The following TEX11 variants were observed in gnomAD, a reference collection of about 807,000 sequenced individuals.
TEX11 encodes the protein testis expressed 11.
A neutral mutation model predicts 84.4 loss-of-function variants in TEX11; 7 were observed. The ratio of observed to expected loss-of-function variants is 0.08; its 90% CI spans 0.05 to 0.16. The LOEUF is 0.16. Ranked by LOEUF, TEX11 falls within the 10% of genes least tolerant of loss-of-function variation. The probability of loss-of-function intolerance (pLI) is 1.00; values close to 1 mark genes in which losing one functional copy is unlikely to be tolerated. For synonymous variants in TEX11, 264 were observed against 222.8 expected (o/e 1.18, Z -1.64); for missense variants, 551 against 660.5 (o/e 0.83, Z 1.82).
At chrX:70,744,764 G>A (rs2090757634) in intron 9 of TEX11, among the ~76,000 whole-genome samples, 1 of 110,466 alleles carries the variant, frequency 9.1e-6, no homozygotes, top group South Asian at 3.7e-4. Context: ...AGGCTGGAGT[G>A]CAGTGGCACG....
At chrX:70,598,135 C>G (rs748816375) in intron 24 of TEX11, among the ~76,000 whole-genome samples, 3 of 112,001 alleles carry the variant, frequency 2.7e-5, no homozygotes, top group African/African-American at 6.5e-5. Flanking sequence ...GAGCTGAGAT[C>G]GTGCCACTGC....
At chrX:70,694,871 C>A (rs1237840884) in intron 13 of TEX11, among the ~76,000 whole-genome samples, 3 of 111,081 alleles carry the variant, frequency 2.7e-5, no homozygotes, top group African/African-American at 9.8e-5. Flanking sequence ...CAAGTGATAT[C>A]CTGGCTTTAT....
intron 25 of TEX11, among the ~76,000 whole-genome samples, chrX:70,577,611 G>T (rs1311085758): frequency 9.0e-6 from 1 of 111,209 alleles, no homozygotes. Flanking sequence ...GAAAAACCAA[G>T]CAACCAAAAT....
chrX:70,858,672 A>G (rs973921236), intron 5 of TEX11, among the ~76,000 whole-genome samples: 6 of 111,824 alleles, frequency 5.4e-5, no homozygotes, highest in Admixed American at 4.8e-4. Context: ...GAAAAAAAAT[A>G]CATTGTCTTT....
chrX:70,599,381 C>T (rs767392864), intron 24 of TEX11, among the ~76,000 whole-genome samples: 144 of 111,774 alleles, frequency 1.3e-3, no homozygotes, highest in Admixed American at 4.4e-3. Context: ...AACTCATACT[C>T]AGAAGGGTAG....
Position 70,684,089 on chromosome X carries a change from A to C in TEX11, c.1005-1264T>G, listed in dbSNP as rs2090167906. Among the ~76,000 whole-genome samples, 2 of 111,723 alleles carry C rather than the reference A, an allele frequency of 1.8e-5. 1 individual carries two copies. Among genetic ancestry groups the C allele is most frequent in the Middle Eastern group, 8.4e-3 (2 of 237 alleles). On this transcript the variant is annotated intron_variant, in intron 13 of 29. Transcript: ENST00000374333. ...CAAAGACCCAAATGGAAGAGCTAAA[A>C]AACTGTTTCCATGGGACCAAGTGAT...
At chrX:70,515,226 G>A in the TEX11 span, among the ~76,000 whole-genome samples, 1 of 111,201 alleles carries the variant, frequency 9.0e-6, no homozygotes. Context: ...CCATTAACTC[G>A]TCATTTACAT....
intron 29 of TEX11, among the ~76,000 whole-genome samples, chrX:70,529,409 C>A (rs1480662323): frequency 2.7e-5 from 3 of 112,062 alleles, no homozygotes; most frequent in African/African-American, 9.7e-5. Context: ...TATTTGGTAA[C>A]AAGGCTTTTT....
At chrX:70,701,887 A>T (rs2090328790) in intron 13 of TEX11, among the ~76,000 whole-genome samples, 1 of 111,562 alleles carries the variant, frequency 9.0e-6, no homozygotes. Flanking sequence ...AGCAAGAGAA[A>T]TAGAATTAGA....
intron 25 of TEX11, among the ~76,000 whole-genome samples, chrX:70,570,837 T>G (rs1013490118): frequency 3.6e-5 from 4 of 111,864 alleles, no homozygotes; most frequent in Non-Finnish European, 7.5e-5. Context: ...GGCATAAAGT[T>G]GTTCACAATA....
intron 17 of TEX11, among the ~76,000 whole-genome samples, chrX:70,636,553 C>T (rs1257174520): frequency 5.3e-5 from 6 of 112,336 alleles, no homozygotes; most frequent in Non-Finnish European, 9.4e-5. Flanking sequence ...CAGGCCAACC[C>T]CTACAGACTC....
chrX:70,580,949 A>G (rs756581095), intron 25 of TEX11, among the ~76,000 whole-genome samples: 2 of 36,192 alleles, frequency 5.5e-5, no homozygotes, highest in African/African-American at 2.0e-4. Context: ...ATAAATTTTA[A>G]TTAATATAGA....
At chrX:70,537,787 G>A (rs774026351) in intron 28 of TEX11, among the ~76,000 whole-genome samples, 25 of 111,049 alleles carry the variant, frequency 2.3e-4, no homozygotes, top group Non-Finnish European at 4.3e-4. Context: ...GGTAGACAGT[G>A]GCTAAAAAGT....
chrX:70,842,246 A>G (rs1256359295), intron 7 of TEX11, among the ~76,000 whole-genome samples: 2 of 111,618 alleles, frequency 1.8e-5, no homozygotes, highest in African/African-American at 6.5e-5. Flanking sequence ...AATACTCACA[A>G]ACCGAATTCA....
chrX:70,704,442 C>A (rs1375268257), intron 13 of TEX11, among the ~76,000 whole-genome samples: 5 of 111,502 alleles, frequency 4.5e-5, no homozygotes, highest in Non-Finnish European at 7.5e-5. Flanking sequence ...GTGTCTGGTA[C>A]AAAGTAAGAA....
intron 25 of TEX11, among the ~76,000 whole-genome samples, chrX:70,577,135 A>G (rs1181080033): frequency 1.8e-5 from 2 of 111,561 alleles, no homozygotes; most frequent in Non-Finnish European, 3.8e-5. Context: ...TCCTCTCCAC[A>G]TGTATCATCT....
At chrX:70,897,711 GAA>G (rs2091780556) in intron 2 of TEX11, 1 of 100,097 alleles carries the variant, frequency 1.0e-5, no homozygotes, top group East Asian at 3.6e-4. Flanking sequence ...AAGAAAGAAA[GAA>G]AGAAAGAAAG....
chrX:70,752,783 T>A (rs2090838159), intron 9 of TEX11, among the ~76,000 whole-genome samples: 1 of 109,936 alleles, frequency 9.1e-6, no homozygotes, highest in African/African-American at 3.3e-5. Flanking sequence ...GGTTTTAACT[T>A]CATATTGCTA....
Position 70,651,523 on chromosome X carries a change from T to C in TEX11, c.1410A>G (p.Arg470=). 1 of 1,207,474 alleles carries C rather than the reference T, an allele frequency of 8.3e-7. No individual in the cohort carries two copies. Among genetic ancestry groups the C allele is most frequent in the Non-Finnish European group, 1.1e-6 (1 of 892,819 alleles). Residue 470 remains arginine (R), a synonymous_variant, in exon 17 of 30, where the codon CGA becomes CGG. Transcript: ENST00000374333. ...KAKEAVAEAE[R]HDPRNVFTQF... ...GAGTGAAAACGTTCCTAGGGTCATG[T>C]CGTTCAGCTTCTGCCACTGCCTCTT...
Sources: gnomAD v4.1 joint callset for allele counts (sites outside exome capture counted in the v4.1 genomes callset) on GRCh38, gnomAD v4.1.1 for gene constraint, MANE v1.5 for transcripts, NCBI Gene and HGNC (gene_info 2026-07-23, HGNC 2026-07-21) for gene names.